Variants in UBE4A observed in about 807,000 individuals in gnomAD.
UBE4A encodes ubiquitination factor E4A.
In UBE4A, 48 loss-of-function variants were observed where a neutral mutation model predicts 117.9. The ratio of observed to expected loss-of-function variants is 0.41; its 90% CI spans 0.32 to 0.52. The LOEUF (loss-of-function observed/expected upper bound fraction) is 0.52, where lower values mean the gene tolerates loss of function less well. Ranked by LOEUF, UBE4A falls within the 20% of genes least tolerant of loss-of-function variation. UBE4A has a pLI of 0.33. For missense variants in UBE4A, 1,067 were observed against 1,296.3 expected (o/e 0.82, Z 2.72); for synonymous variants, 407 against 450.0 (o/e 0.90, Z 1.21).
intron 5 of UBE4A, 35 bp from the exon 6 acceptor site, chr11:118,372,470 GTT>G: frequency 1.3e-6 from 2 of 1,586,950 alleles, no homozygotes; most frequent in Non-Finnish European, 1.7e-6. Context: ...AGATTACAGA[GTT>G]AGACTATTCC....
At chr11:118,371,362 G>T in intron 4 of UBE4A, 152 bp from the exon 5 acceptor site, 1 of 977,402 alleles carries the variant, frequency 1.0e-6, no homozygotes, top group Non-Finnish European at 1.4e-6. Flanking sequence ...ATTTTCTAAA[G>T]TAAAAATATA....
At chr11:118,372,694 T>G in intron 6 of UBE4A, 28 bp downstream of exon 6, 2 of 1,605,178 alleles carry the variant, frequency 1.2e-6, no homozygotes, top group East Asian at 2.2e-5. Context: ...ATCTGTAAGC[T>G]TCTACATTTT....
In UBE4A at chr11:118,373,639, G is replaced by A. The variant is rs369189476; in HGVS notation, c.1070G>A (p.Arg357His). 2.3e-5 allele frequency: 37 copies of A among 1,613,984 alleles called. No homozygotes were observed. The African/African-American group carries it at 2.9e-4, about 13-fold the overall frequency. ...CATGGCTACTTTTTGAATCCATCTC[G>A]TTCCAGCCCCCAGGAGATCAAAGTA... ...ENHGYFLNPS[R>H]SSPQEIKVQE... The change falls in exon 8 of 20, where the codon CGT becomes CAT. Residue 357 changes from arginine (R) to histidine (H), a missense_variant. Coordinates refer to ENST00000252108, the MANE Select transcript of UBE4A (RefSeq NM_001204077.2).
Position 118,369,491 on chromosome 11 carries a change from G to C in UBE4A, c.364G>C (p.Glu122Gln). 1.9e-6 allele frequency: 3 copies of C among 1,614,188 alleles called. No individual in the cohort carries two copies. Among genetic ancestry groups the C allele is most frequent in the Non-Finnish European group, 2.5e-6 (3 of 1,180,020 alleles). ...RCVYLEEMAV[E>Q]LEDQDWLDMS... ...TGTGTATTTGGAAGAAATGGCAGTA[G>C]AGCTAGAAGATCAAGACTGGCTTGA... The change falls in exon 4 of 20, where the codon GAG becomes CAG. Residue 122 changes from glutamate to glutamine, a missense_variant. Around this residue, in one of 3 missense-constraint regions of UBE4A, gnomAD observed 1,001 missense variants for 1,184.0 expected, o/e 0.85. Transcript: ENST00000252108.
Position 118,369,313 on chromosome 11 carries a change from T to C in UBE4A, c.296-110T>C, listed in dbSNP as rs980576009. 6 of 715,046 alleles carry C rather than the reference T, an allele frequency of 8.4e-6. No homozygotes were observed. The African/African-American group carries it at 8.8e-5, about 11-fold the overall frequency. 44.3% of individuals were successfully genotyped at this position (715,046 alleles called of 1,614,324 possible). ...GTTGCTTTGTGTATCAGGATCATTC[T>C]GGTATTACTTGAGTCAGATTTGCAG... On this transcript the variant is annotated intron_variant, in intron 3 of 19. Coordinates refer to ENST00000252108, the MANE Select transcript of UBE4A (RefSeq NM_001204077.2).
intron 4 of UBE4A, 67 bp downstream of exon 4, chr11:118,369,602 C>A: frequency 7.3e-6 from 8 of 1,094,878 alleles, no homozygotes; most frequent in Non-Finnish European, 1.1e-5. Flanking sequence ...ATTCTGCTCA[C>A]TGTTCTCCAA....
In UBE4A at chr11:118,365,159, C is replaced by G. The variant is rs756032287; in HGVS notation, c.79C>G (p.Gln27Glu). The change falls in exon 2 of 20, where the codon CAG becomes GAG. Residue 27 changes from glutamine to glutamate, a missense_variant. Transcript: ENST00000252108. The part of the protein sequence containing the change: ...ALFGSLADAK[Q>E]FAAIQKEQLK... ...TTTTGGCTCCCTGGCTGATGCCAAA[C>G]AGTTTGCGGCAATCCAAAAAGAGCA... 74 of 1,612,946 alleles carry G rather than the reference C, an allele frequency of 4.6e-5. 2 individuals carry two copies. The Admixed American group carries it at 9.2e-4, about 20-fold the overall frequency.
At chr11:118,374,428 T>C (rs764222292) in intron 8 of UBE4A, among the ~76,000 whole-genome samples, 19 of 152,240 alleles carry the variant, frequency 1.2e-4, no homozygotes, top group Non-Finnish European at 2.4e-4. Flanking sequence ...AGTCCCCTAA[T>C]CATTAATCAT....
chr11:118,388,381 T>C (rs1186366575), intron 16 of UBE4A, among the ~76,000 whole-genome samples: 2 of 152,166 alleles, frequency 1.3e-5, no homozygotes, highest in Non-Finnish European at 2.9e-5. Flanking sequence ...CCAGGCACGG[T>C]GGCTCACGCC....
chr11:118,372,944 A>T, intron 6 of UBE4A, 142 bp from the exon 7 acceptor site: 1 of 853,054 alleles, frequency 1.2e-6, no homozygotes, highest in Non-Finnish European at 1.8e-6. Flanking sequence ...GTGAATAGCC[A>T]CTACACTCCA....
At chr11:118,371,291 G>A (rs1379127763) in intron 4 of UBE4A, among the ~76,000 whole-genome samples, 1 of 152,026 alleles carries the variant, frequency 6.6e-6, no homozygotes. Flanking sequence ...CTATGCTGGG[G>A]CTATACTAGA....
rs776203149 is a variant in UBE4A at position 118,371,510 on chromosome 11, A to G, written c.409-4A>G. 1.9e-6 allele frequency: 3 copies of G among 1,605,860 alleles called. No individual in the cohort carries two copies. The highest frequency in any genetic ancestry group is 1.7e-6 in the Non-Finnish European group (2 of 1,175,604). On this transcript the variant is annotated splice_polypyrimidine_tract_variant and splice_region_variant and intron_variant, in intron 4 of 19. Coordinates refer to ENST00000252108, the MANE Select transcript of UBE4A (RefSeq NM_001204077.2). ...TTAGTATTTTTGTTTGGTTTTCTTT[A>G]TAGGCCCTCTTCGCTCGCTTATTAC...
At chr11:118,374,855 G>A in intron 8 of UBE4A, 41 bp from the exon 9 acceptor site, 1 of 1,464,614 alleles carries the variant, frequency 6.8e-7, no homozygotes, top group Non-Finnish European at 9.1e-7. Context: ...AAACTATTAG[G>A]ATTGTGAAAC....
At chr11:118,378,628 T>A (rs1948674118) in intron 10 of UBE4A, 1 of 152,208 alleles carries the variant, frequency 6.6e-6, no homozygotes. Context: ...GTCAACACAT[T>A]GCCGGAAGAA....
In UBE4A at chr11:118,365,899, C is replaced by G. The variant is rs558213334; in HGVS notation, c.121+698C>G. Reference sequence around the variant, plus strand: ...TTCCTCCTATAAGGAGACATATACACTAGAAGAATTAGGATTTTTCTCAAA... The same window carrying G: ...TTCCTCCTATAAGGAGACATATACAGTAGAAGAATTAGGATTTTTCTCAAA... On this transcript the variant is annotated intron_variant, in intron 2 of 19. Transcript: ENST00000252108. Among the ~76,000 whole-genome samples, 129 of 152,328 alleles carry G rather than the reference C, an allele frequency of 8.5e-4. 1 individual carries two copies. The highest frequency in any genetic ancestry group is 3.0e-3 in the African/African-American group (126 of 41,580).
chr11:118,373,557 C>T lies in UBE4A; in HGVS notation c.988C>T (p.Leu330=). The change falls in exon 8 of 20, where the codon CTG becomes TTG. Residue 330 remains leucine (L), a synonymous_variant. Transcript: ENST00000252108. ...TGGGCAAATGTACCAGAAGACCTTG[C>T]TGGGAGTAATTCTGAGTATCTCCTG... The part of the protein sequence containing the change: ...TNGQMYQKTL[L]GVILSISCLL... 6.2e-7 allele frequency: 1 copy of T among 1,614,128 alleles called. No homozygotes were observed. The highest frequency in any genetic ancestry group is 8.5e-7 in the Non-Finnish European group (1 of 1,179,998).
intron 10 of UBE4A, among the ~76,000 whole-genome samples, chr11:118,377,479 A>AT (rs1312841369): frequency 6.6e-6 from 1 of 151,934 alleles, no homozygotes; most frequent in Admixed American, 6.6e-5. Flanking sequence ...AAGTGCTGGG[A>AT]TTACAGGCAT....
intron 15 of UBE4A, among the ~76,000 whole-genome samples, chr11:118,385,710 T>C (rs1189544085): frequency 1.3e-5 from 2 of 152,226 alleles, no homozygotes; most frequent in African/African-American, 4.8e-5. Context: ...GGGTAGCCTT[T>C]AGACAGTCAT....
Position 118,396,554 on chromosome 11 carries a change from T to C in UBE4A, c.*114T>C. 1 of 1,309,086 alleles carries C rather than the reference T, an allele frequency of 7.6e-7. No homozygotes were observed. The highest frequency in any genetic ancestry group is 1.0e-6 in the Non-Finnish European group (1 of 989,658). 81.1% of individuals were successfully genotyped at this position (1,309,086 alleles called of 1,614,324 possible). A position where few individuals can be genotyped will look rare whatever the true frequency, so the allele number is the denominator to read the frequency against. On this transcript the variant is annotated 3_prime_UTR_variant, in exon 20 of 20. Coordinates refer to ENST00000252108, the MANE Select transcript of UBE4A (RefSeq NM_001204077.2). ...CTTTCTTCTTTTCTTTTTCTTTTTT[T>C]TTTTTTTTTTTACTAAATTAGAGAA...
Sources: allele counts gnomAD v4.1 joint callset (sites outside exome capture counted in the v4.1 genomes callset), GRCh38; gene constraint gnomAD v4.1.1; regional missense constraint gnomAD v4.1.1; transcripts MANE v1.5; gene names NCBI Gene and HGNC (gene_info 2026-07-23, HGNC 2026-07-21).